The following NR3C1 variants were observed in gnomAD, a reference collection of about 807,000 sequenced individuals.
NR3C1 encodes the protein glucocorticoid receptor.
NR3C1 carries 14 observed loss-of-function variants against 74.0 expected under a neutral mutation model. The observed-to-expected ratio is 0.19, with a 90% CI of 0.12 to 0.30. NR3C1 has a LOEUF of 0.30. Ranked by LOEUF, NR3C1 falls within the 10% of genes least tolerant of loss-of-function variation. The pLI is 1.00. For missense variants in NR3C1, 695 were observed against 909.8 expected (o/e 0.76, Z 3.04); for synonymous variants, 308 against 332.5 (o/e 0.93, Z 0.80).
At position 143,403,386 on chromosome 5, in the gene NR3C1, A is replaced by C; in HGVS notation, c.-189T>G. The C allele has an allele frequency of 6.1e-6, 6 of 985,430 alleles. No homozygotes were observed. Among genetic ancestry groups the C allele is most frequent in the Non-Finnish European group, 7.2e-6 (6 of 829,980 alleles). The allele number at this position is 985,430 out of a possible 1,614,324, so 61.0% of individuals were successfully genotyped here. A position where few individuals can be genotyped will look rare whatever the true frequency, so the allele number is the denominator to read the frequency against. ...GGTGGGGGGAGAGCCCCTATTTAAG[A>C]AAGTCTCCCATTGCCCAGCTGACAA... On this transcript the variant is annotated 5_prime_UTR_variant, in exon 1 of 9. Transcript: ENST00000394464.
At chr5:143,432,457 T>C (rs1751876900) in intron 1 of NR3C1, among the ~76,000 whole-genome samples, 1 of 152,130 alleles carries the variant, frequency 6.6e-6, no homozygotes, top group Non-Finnish European at 1.5e-5. Flanking sequence ...CCTTGGTCCA[T>C]GGATTCCTGC....
chr5:143,299,037 C>CA (rs1156574619), intron 5 of NR3C1, among the ~76,000 whole-genome samples: 2 of 112,838 alleles, frequency 1.8e-5, no homozygotes, highest in East Asian at 5.2e-4. Context: ...TTAATTGAGA[C>CA]AAAGTCTTGC....
chr5:143,315,997 A>C (rs528436909), intron 2 of NR3C1, among the ~76,000 whole-genome samples: 3 of 152,238 alleles, frequency 2.0e-5, no homozygotes, highest in Non-Finnish European at 4.4e-5. Flanking sequence ...AACACTGTTA[A>C]GAAGAATTTG....
intron 2 of NR3C1, among the ~76,000 whole-genome samples, chr5:143,376,390 T>C (rs2151871403): frequency 6.6e-6 from 1 of 152,318 alleles, no homozygotes; most frequent in East Asian, 1.9e-4. Context: ...TTCTTGCACA[T>C]GATTCTTTCC....
At chr5:143,317,996 C>A (rs535229016) in intron 2 of NR3C1, among the ~76,000 whole-genome samples, 2 of 152,268 alleles carry the variant, frequency 1.3e-5, no homozygotes, top group South Asian at 4.1e-4. Context: ...GCTCTAATAG[C>A]TGTGACAGTG....
intron 1 of NR3C1, among the ~76,000 whole-genome samples, chr5:143,428,644 T>A (rs1299513389): frequency 6.6e-6 from 1 of 152,226 alleles, no homozygotes; most frequent in Non-Finnish European, 1.5e-5. Flanking sequence ...CACACTGCAA[T>A]GGCAGGCTTG....
At chr5:143,338,851 C>CA (rs1449636099) in intron 2 of NR3C1, among the ~76,000 whole-genome samples, 1 of 152,184 alleles carries the variant, frequency 6.6e-6, no homozygotes, top group Non-Finnish European at 1.5e-5. Context: ...ACTCACTACT[C>CA]AATGACTCAC....
At chr5:143,418,783 G>A (rs974953474) in intron 1 of NR3C1, among the ~76,000 whole-genome samples, 12 of 152,158 alleles carry the variant, frequency 7.9e-5, no homozygotes, top group African/African-American at 2.7e-4. Context: ...CTGAAAGGAA[G>A]AATAGTGTTA....
chr5:143,331,159 C>T (rs894664210), intron 2 of NR3C1, among the ~76,000 whole-genome samples: 4 of 152,102 alleles, frequency 2.6e-5, no homozygotes, highest in African/African-American at 9.7e-5. Context: ...CACTTAAAAC[C>T]ATCCAATCTT....
intron 4 of NR3C1, among the ~76,000 whole-genome samples, chr5:143,302,407 T>C (rs1818687601): frequency 6.6e-6 from 1 of 152,050 alleles, no homozygotes; most frequent in African/African-American, 2.4e-5. Context: ...CAGAAGTATC[T>C]CAGTGAAATC....
chr5:143,306,103 T>TA (rs1819539358), intron 4 of NR3C1, among the ~76,000 whole-genome samples: 1 of 152,140 alleles, frequency 6.6e-6, no homozygotes, highest in East Asian at 1.9e-4. Context: ...AGCAAGTTTT[T>TA]TAAAAAAAAA....
intron 2 of NR3C1, among the ~76,000 whole-genome samples, chr5:143,333,640 T>G (rs1317134297): frequency 6.6e-6 from 1 of 152,132 alleles, no homozygotes; most frequent in Non-Finnish European, 1.5e-5. Flanking sequence ...TGGTGGCACG[T>G]GCCTGTAGTC....
chr5:143,413,782 G>A (rs1004387910), intron 1 of NR3C1, among the ~76,000 whole-genome samples: 3 of 152,040 alleles, frequency 2.0e-5, no homozygotes, highest in African/African-American at 7.2e-5. Flanking sequence ...TACTATGATG[G>A]GCAAAGCCTA....
chr5:143,376,020 T>C (rs943563888), intron 2 of NR3C1: 1 of 152,202 alleles, frequency 6.6e-6, no homozygotes, highest in Non-Finnish European at 1.5e-5. Flanking sequence ...ATTCTCAATG[T>C]TATTTAGCTT....
chr5:143,423,260 T>C (rs1470780752), intron 1 of NR3C1, among the ~76,000 whole-genome samples: 1 of 152,218 alleles, frequency 6.6e-6, no homozygotes, highest in African/African-American at 2.4e-5. Flanking sequence ...AAACAGAATA[T>C]ATAAGTTGTG....
chr5:143,314,243 C>T, intron 2 of NR3C1, 75 bp from the exon 3 acceptor site: 1 of 1,494,518 alleles, frequency 6.7e-7, no homozygotes, highest in Non-Finnish European at 9.2e-7. Flanking sequence ...TAGCTTCTCA[C>T]TTCATAGTCA....
intron 1 of NR3C1, among the ~76,000 whole-genome samples, chr5:143,412,794 C>T (rs545114143): frequency 1.6e-4 from 24 of 152,284 alleles, no homozygotes; most frequent in African/African-American, 5.8e-4. Context: ...CATTCACCCA[C>T]CCTTTCAACC....
chr5:143,377,212 G>A (rs1347226077), intron 2 of NR3C1, among the ~76,000 whole-genome samples: 1 of 152,088 alleles, frequency 6.6e-6, no homozygotes, highest in Non-Finnish European at 1.5e-5. Context: ...CTAAAACAAA[G>A]CAGGTTTAGG....
intron 2 of NR3C1, among the ~76,000 whole-genome samples, chr5:143,358,530 CTTTAGT>C (rs1304072714): frequency 2.0e-5 from 3 of 152,170 alleles, no homozygotes; most frequent in African/African-American, 7.2e-5. Context: ...TCCTCTTTGC[CTTTAGT>C]TTTAATCAGT....
Sources: allele counts gnomAD v4.1 joint callset (sites outside exome capture counted in the v4.1 genomes callset), GRCh38; gene constraint gnomAD v4.1.1; transcripts MANE v1.5; gene names NCBI Gene and HGNC (gene_info 2026-07-23, HGNC 2026-07-21).